CMIP: variants seen among roughly 807,000 people sequenced by gnomAD.
CMIP encodes C-Maf-inducing protein.
CMIP carries 13 observed loss-of-function variants against 97.3 expected under a neutral mutation model. That is an observed-to-expected ratio of 0.13 (90% CI 0.09 to 0.21). The LOEUF (loss-of-function observed/expected upper bound fraction) is 0.21. CMIP is among the 10% of genes least tolerant of loss of function. CMIP has a pLI of 1.00. For synonymous variants in CMIP, 538 were observed against 436.3 expected (o/e 1.23, Z -2.91); for missense variants, 847 against 1,024.9 (o/e 0.83, Z 2.37).
intron 7 of CMIP, chr16:81,666,496 C>A (rs945909885): frequency 1.3e-5 from 2 of 152,066 alleles, no homozygotes; most frequent in African/African-American, 4.8e-5. Context: ...TTTTATGGGC[C>A]TGGAGTGTTG....
intron 9 of CMIP, 66 bp downstream of exon 9, chr16:81,672,136 C>A: frequency 3.3e-6 from 3 of 922,070 alleles, no homozygotes; most frequent in Non-Finnish European, 5.2e-6. Context: ...CCATCATGGG[C>A]AAAGTCACCA....
intron 1 of CMIP, among the ~76,000 whole-genome samples, chr16:81,569,893 C>T (rs1045366763): frequency 1.3e-5 from 2 of 152,202 alleles, no homozygotes; most frequent in Admixed American, 6.5e-5. Flanking sequence ...GTGTGTCTAG[C>T]GCCTGTACTG....
At chr16:81,534,852 C>T (rs944250737) in intron 1 of CMIP, among the ~76,000 whole-genome samples, 4 of 152,146 alleles carry the variant, frequency 2.6e-5, no homozygotes, top group Non-Finnish European at 4.4e-5. Flanking sequence ...CTAAATTTTT[C>T]AAATATGTGC....
chr16:81,457,087 G>C (rs9921731), intron 1 of CMIP, among the ~76,000 whole-genome samples: 87,103 of 151,734 alleles, frequency 0.57, 25,525 homozygotes, highest in East Asian at 0.75. Context: ...TGGAGCGAGC[G>C]TCCCGCCCTG....
chr16:81,642,465 T>G (rs1449783297), intron 3 of CMIP, among the ~76,000 whole-genome samples: 1 of 152,198 alleles, frequency 6.6e-6, no homozygotes, highest in Non-Finnish European at 1.5e-5. Context: ...GTGGGGTAAA[T>G]TGGGGTCCCC....
At chr16:81,700,899 G>A (rs943248516) in intron 15 of CMIP, among the ~76,000 whole-genome samples, 3 of 152,128 alleles carry the variant, frequency 2.0e-5, no homozygotes, top group Non-Finnish European at 4.4e-5. Context: ...ACAGGGATTC[G>A]GAGGCCATGG....
At chr16:81,601,431 C>A (rs2091655904) in intron 1 of CMIP, among the ~76,000 whole-genome samples, 1 of 152,142 alleles carries the variant, frequency 6.6e-6, no homozygotes, top group African/African-American at 2.4e-5. Context: ...GGGGTCAGCT[C>A]ACCCCATTCC....
chr16:81,670,094 T>C, intron 7 of CMIP, 48 bp from the exon 8 acceptor site: 1 of 1,555,400 alleles, frequency 6.4e-7, no homozygotes, highest in South Asian at 1.2e-5. Flanking sequence ...CCTGGGCTCC[T>C]GCCCTGCCTA....
rs141178660 is a variant in CMIP, at chr16:81,642,085, A to T, written c.478-10118A>T. Among the ~76,000 whole-genome samples, 207 of 152,390 alleles carry T rather than the reference A, an allele frequency of 1.4e-3. 1 individual carries two copies. Among genetic ancestry groups the T allele is most frequent in the African/African-American group, 4.9e-3 (202 of 41,596 alleles). On this transcript the variant is annotated intron_variant, in intron 3 of 20. Coordinates refer to ENST00000537098, the MANE Select transcript of CMIP (RefSeq NM_198390.3). ...GCTTCGCACAGGACCTGGCCTATGG[A>T]GTGCCCTTCAGAAGCGATGGCTTTT... is the stretch of plus-strand genomic sequence containing the variant.
intron 1 of CMIP, among the ~76,000 whole-genome samples, chr16:81,599,481 G>A (rs2091621434): frequency 6.6e-6 from 1 of 152,228 alleles, no homozygotes. Context: ...ATAGGTGTCT[G>A]AGGACCTGCT....
At chr16:81,504,341 A>C (rs945538615) in intron 1 of CMIP, among the ~76,000 whole-genome samples, 2 of 151,490 alleles carry the variant, frequency 1.3e-5, no homozygotes, top group Non-Finnish European at 2.9e-5. Context: ...GGAAAAAAGA[A>C]AATAGAAAAT....
At chr16:81,680,189 G>A (rs1015288472) in intron 10 of CMIP, among the ~76,000 whole-genome samples, 14 of 152,226 alleles carry the variant, frequency 9.2e-5, no homozygotes, top group Non-Finnish European at 4.4e-5. Flanking sequence ...CTGGGGTGTT[G>A]TCTGTGTGGG....
intron 10 of CMIP, among the ~76,000 whole-genome samples, chr16:81,684,889 A>T (rs1035273925): frequency 6.6e-6 from 1 of 152,184 alleles, no homozygotes. Flanking sequence ...ACCCCAGGCC[A>T]GCCTTGGCCA....
At chr16:81,456,264 C>T (rs1029746241) in intron 1 of CMIP, among the ~76,000 whole-genome samples, 1 of 152,198 alleles carries the variant, frequency 6.6e-6, no homozygotes, top group East Asian at 1.9e-4. Flanking sequence ...TGACCATTTC[C>T]TCCAGTCATT....
rs140323763 is a variant in CMIP at position 81,663,224 on chromosome 16, G to C, written c.745-1045G>C. ...CAGCTGTATTCATGACTACCAGAAC[G>C]TGGAAGCACCCAAAATGCCTTCCAG... On this transcript the variant is annotated intron_variant, in intron 6 of 20. Transcript: ENST00000537098. 7.1e-3 allele frequency among the ~76,000 whole-genome samples: 1,086 copies of C among 151,944 alleles called. 15 individuals carry two copies. Among genetic ancestry groups the C allele is most frequent in the African/African-American group, 0.025 (1,015 of 41,390 alleles).
At chr16:81,522,156 A>G (rs974637725) in intron 1 of CMIP, among the ~76,000 whole-genome samples, 11 of 152,218 alleles carry the variant, frequency 7.2e-5, no homozygotes, top group African/African-American at 2.4e-4. Context: ...CTGGAATCCT[A>G]TCAACCCAGT....
intron 14 of CMIP, 163 bp downstream of exon 14, chr16:81,696,830 C>T: frequency 1.5e-6 from 1 of 653,594 alleles, no homozygotes; most frequent in Non-Finnish European, 2.6e-6. Context: ...GTGATGGTGA[C>T]CGTGACTGTC....
At chr16:81,550,133 A>G (rs1262158827) in intron 1 of CMIP, among the ~76,000 whole-genome samples, 1 of 152,046 alleles carries the variant, frequency 6.6e-6, no homozygotes, top group Non-Finnish European at 1.5e-5. Flanking sequence ...CACCCTGCCC[A>G]TGCCCTCGGT....
intron 1 of CMIP, among the ~76,000 whole-genome samples, chr16:81,589,283 G>A (rs906397146): frequency 6.6e-6 from 1 of 152,038 alleles, no homozygotes; most frequent in Non-Finnish European, 1.5e-5. Flanking sequence ...TTTTAGTAGA[G>A]ACGGGGTTTC....
Sources: allele counts gnomAD v4.1 joint callset (sites outside exome capture counted in the v4.1 genomes callset), GRCh38; gene constraint gnomAD v4.1.1; transcripts MANE v1.5; gene names NCBI Gene and HGNC (gene_info 2026-07-23, HGNC 2026-07-21).